The following SLIT3 variants were observed in gnomAD, a reference collection of about 807,000 sequenced individuals.
The protein encoded by SLIT3 is slit homolog 3 protein.
SLIT3 carries 68 observed loss-of-function variants against 184.0 expected under a neutral mutation model. That is an observed-to-expected ratio of 0.37 (90% CI 0.30 to 0.45). The LOEUF (loss-of-function observed/expected upper bound fraction) is 0.45. Among genes scored for constraint, SLIT3 ranks in the 20% least tolerant of loss-of-function variants. The pLI, the probability that SLIT3 is intolerant of heterozygous loss-of-function variation, is 1.00. For synonymous variants in SLIT3, 831 were observed against 828.6 expected, an observed-to-expected ratio of 1.00 and a Z score of -0.05; for missense variants, 1,707 against 2,026.0, an observed-to-expected ratio of 0.84 and a Z score of 3.02.
chr5:169,058,098 T>C (rs995357119), intron 4 of SLIT3, among the ~76,000 whole-genome samples: 10 of 152,240 alleles, frequency 6.6e-5, no homozygotes, highest in East Asian at 3.8e-4. Flanking sequence ...CGAGCGCTAT[T>C]GCAGATGCAG....
chr5:169,279,960 T>G (rs1766940574), intron 1 of SLIT3, among the ~76,000 whole-genome samples: 1 of 152,268 alleles, frequency 6.6e-6, no homozygotes, highest in Non-Finnish European at 1.5e-5. Context: ...TTTTGTTCAC[T>G]AATTCCTTGC....
chr5:168,748,737 G>A (rs1193461882), intron 19 of SLIT3, among the ~76,000 whole-genome samples: 1 of 152,102 alleles, frequency 6.6e-6, no homozygotes, highest in Non-Finnish European at 1.5e-5. Context: ...GGGGAGGGGG[G>A]CAGAGCCTTG....
chr5:168,677,209 C>A (rs1434880889), intron 32 of SLIT3, among the ~76,000 whole-genome samples: 1 of 152,226 alleles, frequency 6.6e-6, no homozygotes, highest in Non-Finnish European at 1.5e-5. Flanking sequence ...CAAGTCATAT[C>A]ACTTCTGTAA....
chr5:169,277,152 C>A (rs372094136), intron 1 of SLIT3, among the ~76,000 whole-genome samples: 2 of 151,218 alleles, frequency 1.3e-5, no homozygotes, highest in South Asian at 2.1e-4. Context: ...CTGGACACTT[C>A]ATGTAAGTGG....
At chr5:169,258,446 C>T (rs1766052632) in intron 1 of SLIT3, among the ~76,000 whole-genome samples, 1 of 152,170 alleles carries the variant, frequency 6.6e-6, no homozygotes, top group African/African-American at 2.4e-5. Context: ...AAGTCCTGGC[C>T]AAGGGAAGTG....
chr5:169,058,073 C>G (rs1050633223), intron 4 of SLIT3, among the ~76,000 whole-genome samples: 1 of 152,242 alleles, frequency 6.6e-6, no homozygotes, highest in Non-Finnish European at 1.5e-5. Flanking sequence ...GAATTTCCTA[C>G]AGTGTCAAAT....
intron 2 of SLIT3, among the ~76,000 whole-genome samples, chr5:169,249,519 G>C (rs913466942): frequency 1.3e-5 from 2 of 152,018 alleles, no homozygotes; most frequent in Admixed American, 6.5e-5. Flanking sequence ...GAAAATCAAG[G>C]GTTGTTTTTG....
intron 1 of SLIT3, among the ~76,000 whole-genome samples, chr5:169,272,550 C>T (rs980927206): frequency 1.3e-5 from 2 of 152,216 alleles, no homozygotes; most frequent in Non-Finnish European, 2.9e-5. Context: ...CAGCACAGTG[C>T]CTTGCCCAGG....
intron 4 of SLIT3, among the ~76,000 whole-genome samples, chr5:169,043,232 C>T (rs1022099795): frequency 1.3e-5 from 2 of 152,184 alleles, no homozygotes; most frequent in East Asian, 3.8e-4. Flanking sequence ...GTCAGTTTTG[C>T]TTTGCACTTC....
rs192995815 is a variant in SLIT3 at position 168,756,554 on chromosome 5, A to C, written c.1686-2547T>G. Among the ~76,000 whole-genome samples the C allele has an allele frequency of 7.3e-4, 111 of 152,332 alleles. 1 individual carries two copies. The highest frequency in any genetic ancestry group is 3.4e-3 in the Middle Eastern group (1 of 292). On this transcript the variant is annotated intron_variant, in intron 16 of 35. Transcript: ENST00000519560. ...TCGCCCAAGGTCTGAGACAGTCAGC[A>C]GACTCGCAGACTGGATTTCCACTCC...
chr5:169,293,728 G>A (rs1022028028), intron 1 of SLIT3, among the ~76,000 whole-genome samples: 8 of 152,152 alleles, frequency 5.3e-5, no homozygotes, highest in Non-Finnish European at 4.4e-5. Context: ...CTCTGTCCAC[G>A]CAGTACAGAA....
In SLIT3 at chr5:168,711,072, C is replaced by A; in HGVS notation, c.2556-14G>T. 6.4e-7 allele frequency: 1 copy of A among 1,550,794 alleles called. No individual in the cohort carries two copies. Among genetic ancestry groups the A allele is most frequent in the Non-Finnish European group, 8.7e-7 (1 of 1,143,528 alleles). ...GTTCCCAGCGCCCTAGGAGGCAGAA[C>A]AGGAAGTCAGGGCCCCCTGCCCAGC... On this transcript the variant is annotated splice_polypyrimidine_tract_variant and intron_variant, in intron 24 of 35. Coordinates refer to ENST00000519560, the MANE Select transcript of SLIT3 (RefSeq NM_003062.4).
intron 4 of SLIT3, among the ~76,000 whole-genome samples, chr5:169,015,998 G>GC (rs1212650674): frequency 7.2e-6 from 1 of 138,248 alleles, no homozygotes; most frequent in Non-Finnish European, 1.6e-5. Context: ...CTTTCTGTCT[G>GC]CCCCCTTGCT....
At chr5:169,041,526 C>T (rs957507704) in intron 4 of SLIT3, among the ~76,000 whole-genome samples, 10 of 152,172 alleles carry the variant, frequency 6.6e-5, no homozygotes, top group South Asian at 4.2e-4. Context: ...ACATTTACAG[C>T]GCTCTCAGCA....
At chr5:169,283,880 T>TA (rs1355352352) in intron 1 of SLIT3, among the ~76,000 whole-genome samples, 2 of 152,094 alleles carry the variant, frequency 1.3e-5, no homozygotes, top group African/African-American at 4.8e-5. Flanking sequence ...TTTAGACTCT[T>TA]AAAAAACAGA....
intron 2 of SLIT3, 76 bp from the exon 3 acceptor site, chr5:169,244,852 A>G: frequency 8.1e-7 from 1 of 1,238,842 alleles, no homozygotes; most frequent in African/African-American, 1.5e-5. Flanking sequence ...CATGCCATGC[A>G]GGCATGGTCA....
At chr5:168,674,395 T>C (rs1159424217) in intron 32 of SLIT3, among the ~76,000 whole-genome samples, 1 of 152,138 alleles carries the variant, frequency 6.6e-6, no homozygotes, top group East Asian at 1.9e-4. Flanking sequence ...TTAGAAGATT[T>C]TGGATTTCAG....
chr5:168,687,884 A>G, intron 29 of SLIT3, among the ~76,000 whole-genome samples: 1 of 152,200 alleles, frequency 6.6e-6, no homozygotes, highest in South Asian at 2.1e-4. Flanking sequence ...GGGCAAGAGG[A>G]TGGGAACACC....
At chr5:168,679,085 G>A (rs1340512336) in intron 32 of SLIT3, among the ~76,000 whole-genome samples, 2 of 152,186 alleles carry the variant, frequency 1.3e-5, no homozygotes, top group Non-Finnish European at 2.9e-5. Flanking sequence ...TTGAGATCGG[G>A]TCTTGCTCTC....
Sources: allele counts gnomAD v4.1 joint callset (sites outside exome capture counted in the v4.1 genomes callset), GRCh38; gene constraint gnomAD v4.1.1; transcripts MANE v1.5; gene names NCBI Gene and HGNC (gene_info 2026-07-23, HGNC 2026-07-21).